SMC5: variants seen among roughly 807,000 people sequenced by gnomAD.
The protein encoded by SMC5 is structural maintenance of chromosomes 5.
Under a neutral mutation model 148.3 loss-of-function variants are expected in SMC5, and 88 were observed. The ratio of observed to expected loss-of-function variants is 0.59; its 90% CI spans 0.50 to 0.71. SMC5 has a LOEUF of 0.71. SMC5 is among the 30% of genes least tolerant of loss of function. The pLI is 0.00. For synonymous variants in SMC5, 421 were observed against 432.8 expected, an observed-to-expected ratio of 0.97 and a Z score of 0.34; for missense variants, 1,142 against 1,298.9, an observed-to-expected ratio of 0.88 and a Z score of 1.86.
intron 18 of SMC5, 135 bp from the exon 19 acceptor site, chr9:70,346,470 T>C: frequency 2.3e-6 from 2 of 864,376 alleles, no homozygotes; most frequent in East Asian, 2.4e-5. Flanking sequence ...AAGATAGTAC[T>C]GTGGTGAAAT....
At chr9:70,305,157 C>T in intron 10 of SMC5, 90 bp from the exon 11 acceptor site, 1 of 595,682 alleles carries the variant, frequency 1.7e-6, no homozygotes, top group Non-Finnish European at 3.0e-6. Flanking sequence ...TCAAGTATTA[C>T]AATCTAATTA....
chr9:70,346,219 CAG>C (rs1250081245), intron 18 of SMC5, among the ~76,000 whole-genome samples: 1 of 152,012 alleles, frequency 6.6e-6, no homozygotes, highest in East Asian at 1.9e-4. Flanking sequence ...CTCAGTAAGT[CAG>C]AGATTCAACA....
intron 1 of SMC5, among the ~76,000 whole-genome samples, chr9:70,263,100 A>G (rs565096949): frequency 6.6e-6 from 1 of 152,260 alleles, no homozygotes; most frequent in African/African-American, 2.4e-5. Context: ...TTAGTATAAC[A>G]TTTACACAGA....
chr9:70,261,545 C>G (rs1239102611), intron 1 of SMC5, among the ~76,000 whole-genome samples: 1 of 152,204 alleles, frequency 6.6e-6, no homozygotes. Context: ...GATCCTGTGA[C>G]TTAAAGTTTC....
intron 1 of SMC5, 149 bp from the exon 2 acceptor site, chr9:70,264,155 A>G (rs1207779567): frequency 8.8e-6 from 5 of 567,664 alleles, no homozygotes; most frequent in Non-Finnish European, 1.4e-5. Context: ...TATTCTTTCT[A>G]AAGTTGTTTA....
chr9:70,350,458 T>C lies in SMC5; in HGVS notation c.3152T>C (p.Phe1051Ser). 6.3e-7 allele frequency: 1 copy of C among 1,594,534 alleles called. No homozygotes were observed. The highest frequency in any genetic ancestry group is 1.2e-5 in the South Asian group (1 of 86,908). ...AAAGAAAATACATCTCAATACTTTTTCATAACACCAAAGGTAGGTAAAAAG... is the reference window on the plus strand; with the variant it reads ...AAAGAAAATACATCTCAATACTTTTCCATAACACCAAAGGTAGGTAAAAAG... ...ACKENTSQYFFITPKLLQNLP... is the reference protein window; with the variant it reads ...ACKENTSQYFSITPKLLQNLP... Residue 1051 changes from phenylalanine to serine, a missense_variant, in exon 24 of 25, where the codon TTC (phenylalanine) becomes TCC (serine). Physicochemically the swap from Phe to Ser is radical, Grantham distance 155. Transcript: ENST00000361138.
chr9:70,327,604 A>G, intron 17 of SMC5, among the ~76,000 whole-genome samples: 1 of 152,338 alleles, frequency 6.6e-6, no homozygotes, highest in Non-Finnish European at 1.5e-5. Flanking sequence ...AGAATTTTGC[A>G]TTTATCCTGA....
rs1442063640 is a variant in SMC5 at position 70,282,441 on chromosome 9, A to G, written c.839A>G (p.Gln280Arg). ...TGCAAGGAATATGAAAATGTTCGTCAGGAATATGAAGAAGTAAAACTAGTT... is the reference window on the plus strand; with the variant it reads ...TGCAAGGAATATGAAAATGTTCGTCGGGAATATGAAGAAGTAAAACTAGTT... ...RPWVEYENVR[Q>R]EYEEVKLVRD... The change falls in exon 7 of 25, where the codon CAG becomes CGG. Residue 280 changes from glutamine to arginine, a missense_variant. Around this residue, in one of 5 missense-constraint regions of SMC5, gnomAD observed 743 missense variants for 835.7 expected, o/e 0.89. Coordinates refer to ENST00000361138, the MANE Select transcript of SMC5 (RefSeq NM_015110.4). 2.5e-6 allele frequency: 4 copies of G among 1,591,642 alleles called. No individual in the cohort carries two copies. Among genetic ancestry groups the G allele is most frequent in the East Asian group, 2.3e-5 (1 of 43,960 alleles).
At chr9:70,275,318 C>T (rs533926201) in intron 3 of SMC5, among the ~76,000 whole-genome samples, 5 of 152,138 alleles carry the variant, frequency 3.3e-5, no homozygotes, top group African/African-American at 1.2e-4. Context: ...TCAAGTGATC[C>T]TCCTGCCTCA....
intron 11 of SMC5, among the ~76,000 whole-genome samples, chr9:70,308,006 T>A (rs556659484): frequency 1.9e-3 from 284 of 152,284 alleles, no homozygotes; most frequent in African/African-American, 6.6e-3. Flanking sequence ...TCCTATTTTC[T>A]TTTAGACACC....
chr9:70,282,623 T>C (rs564336193), intron 7 of SMC5, 40 bp downstream of exon 7: 1 of 1,513,684 alleles, frequency 6.6e-7, no homozygotes, highest in African/African-American at 1.4e-5. Flanking sequence ...TGAATTTTAT[T>C]TTAGCAAATA....
At chr9:70,323,326 C>T (rs2035994747) in intron 15 of SMC5, among the ~76,000 whole-genome samples, 157 bp from the exon 16 acceptor site, 1 of 152,188 alleles carries the variant, frequency 6.6e-6, no homozygotes, top group African/African-American at 2.4e-5. Context: ...TTAATAGCAA[C>T]AGAAACAACT....
rs956558907 is a variant in SMC5 at position 70,295,341 on chromosome 9, G to C, written c.1054-2625G>C. 3.3e-5 allele frequency among the ~76,000 whole-genome samples: 5 copies of C among 151,788 alleles called. No individual in the cohort carries two copies. The East Asian group carries it at 9.7e-4, about 29-fold the overall frequency. On this transcript the variant is annotated intron_variant, in intron 8 of 24. Transcript: ENST00000361138. ...AAAAAATTAGCCGGGCGTGGTGGCG[G>C]GTGCCTGTAGTCCCAGCTACTCGGG...
At chr9:70,286,151 A>G (rs1012791492) in intron 7 of SMC5, 49 bp from the exon 8 acceptor site, 6 of 1,219,044 alleles carry the variant, frequency 4.9e-6, no homozygotes, top group Non-Finnish European at 7.3e-6. Flanking sequence ...ATTTGCTTGC[A>G]TGAGTTTTTA....
chr9:70,298,428 A>G (rs928650415), intron 9 of SMC5, among the ~76,000 whole-genome samples: 1 of 152,138 alleles, frequency 6.6e-6, no homozygotes, highest in Non-Finnish European at 1.5e-5. Context: ...ACTGTCTTCT[A>G]TCAGATTATG....
At chr9:70,330,553 T>C (rs568834720) in intron 17 of SMC5, among the ~76,000 whole-genome samples, 6 of 150,686 alleles carry the variant, frequency 4.0e-5, no homozygotes, top group African/African-American at 1.5e-4. Context: ...ACTTTCTTTT[T>C]TTTTTTTTTT....
intron 8 of SMC5, among the ~76,000 whole-genome samples, chr9:70,289,769 C>G (rs937897266): frequency 9.2e-5 from 14 of 151,712 alleles, no homozygotes; most frequent in African/African-American, 3.4e-4. Flanking sequence ...TCATCAGTAT[C>G]TTTATTCTCC....
chr9:70,338,310 C>T (rs2036420203), intron 17 of SMC5, among the ~76,000 whole-genome samples: 1 of 152,160 alleles, frequency 6.6e-6, no homozygotes, highest in African/African-American at 2.4e-5. Context: ...CATGCCCAGC[C>T]ATTTGCATAA....
chr9:70,331,214 G>A (rs892290892), intron 17 of SMC5, among the ~76,000 whole-genome samples: 1 of 151,996 alleles, frequency 6.6e-6, no homozygotes. Flanking sequence ...AGTTGCTTTA[G>A]CCACATTTTA....
Sources: allele counts gnomAD v4.1 joint callset (sites outside exome capture counted in the v4.1 genomes callset), GRCh38; gene constraint gnomAD v4.1.1; regional missense constraint gnomAD v4.1.1; transcripts MANE v1.5; gene names NCBI Gene and HGNC (gene_info 2026-07-23, HGNC 2026-07-21).